Variants in DNMBP observed in about 807,000 individuals in gnomAD.
DNMBP encodes dynamin-binding protein.
DNMBP carries 87 observed loss-of-function variants against 150.0 expected under a neutral mutation model. That is an observed-to-expected ratio of 0.58 (90% CI 0.49 to 0.69). DNMBP has a LOEUF of 0.69. Ranked by LOEUF, DNMBP falls within the 30% of genes least tolerant of loss-of-function variation. DNMBP has a pLI of 0.00. For missense variants in DNMBP, 1,774 were observed against 1,949.0 expected (o/e 0.91, Z 1.69); for synonymous variants, 711 against 750.4 (o/e 0.95, Z 0.86).
intron 5 of DNMBP, among the ~76,000 whole-genome samples, chr10:99,908,708 AG>A (rs1215315564): frequency 2.0e-5 from 3 of 152,220 alleles, no homozygotes; most frequent in African/African-American, 4.8e-5. Flanking sequence ...CCACAGAAAC[AG>A]GAAGTGTCCT....
At chr10:99,955,089 A>T in intron 4 of DNMBP, 125 bp downstream of exon 4, 1 of 805,156 alleles carries the variant, frequency 1.2e-6, no homozygotes, top group South Asian at 1.9e-5. Flanking sequence ...GAAATTAGGT[A>T]ATGAAAATGT....
intron 15 of DNMBP, among the ~76,000 whole-genome samples, chr10:99,882,150 G>C (rs539703388): frequency 6.6e-6 from 1 of 152,270 alleles, no homozygotes; most frequent in East Asian, 1.9e-4. Context: ...TCTCATTCAC[G>C]TGGAATCTAG....
intron 4 of DNMBP, among the ~76,000 whole-genome samples, chr10:99,944,861 A>G (rs559805057): frequency 1.4e-4 from 21 of 152,338 alleles, no homozygotes; most frequent in African/African-American, 5.1e-4. Context: ...TTTATTTCCA[A>G]TAATTGAAGT....
At chr10:99,926,358 C>T (rs192618836) in intron 4 of DNMBP, among the ~76,000 whole-genome samples, 9 of 152,306 alleles carry the variant, frequency 5.9e-5, no homozygotes, top group Admixed American at 2.0e-4. Flanking sequence ...CATCATAGCT[C>T]ACTATAGCCT....
chr10:99,995,753 C>CTT (rs34581736), intron 1 of DNMBP, among the ~76,000 whole-genome samples: 69,616 of 151,890 alleles, frequency 0.46, 16,747 homozygotes, highest in African/African-American at 0.61. Context: ...ATGTGACAAA[C>CTT]AATCTGGAAG....
chr10:99,908,885 A>C (rs766626271), intron 5 of DNMBP, 68 bp downstream of exon 5: 6 of 1,425,600 alleles, frequency 4.2e-6, no homozygotes, highest in Admixed American at 4.1e-5. Context: ...GAAAGCTCCT[A>C]TATCCTAATG....
At chr10:99,930,826 G>A (rs2040147261) in intron 4 of DNMBP, 1 of 609,230 alleles carries the variant, frequency 1.6e-6, no homozygotes. Flanking sequence ...CTGGGCTGTG[G>A]ACAGGTGCAG....
At chr10:99,966,120 G>A (rs1332736709) in intron 3 of DNMBP, among the ~76,000 whole-genome samples, 1 of 152,120 alleles carries the variant, frequency 6.6e-6, no homozygotes, top group African/African-American at 2.4e-5. Flanking sequence ...AAATTGCATA[G>A]GTATAACTAA....
At position 99,957,082 on chromosome 10, in the gene DNMBP, C is replaced by T. The variant is rs767195437; in HGVS notation, c.392G>A (p.Arg131Gln). 1.3e-5 allele frequency: 21 copies of T among 1,614,036 alleles called. No homozygotes were observed. Among genetic ancestry groups the T allele is most frequent in the South Asian group, 1.2e-4 (11 of 91,094 alleles). Residue 131 changes from arginine to glutamine, a missense_variant, in exon 4 of 17, where the codon CGG becomes CAG. By Grantham distance (43) the Arg-to-Gln change is conservative. Around this residue, in one of 2 missense-constraint regions of DNMBP, gnomAD observed 344 missense variants for 456.6 expected, o/e 0.75. Coordinates refer to ENST00000324109, the MANE Select transcript of DNMBP (RefSeq NM_015221.4). ...CAGGGCGCTCTGGGAGTGCCACTGCCGGCTCTGTGAGGAGAGGCAGAGCTC... is the reference window on the plus strand; with the variant it reads ...CAGGGCGCTCTGGGAGTGCCACTGCTGGCTCTGTGAGGAGAGGCAGAGCTC... ...VRELCLSSQS[R>Q]QWHSQSALFQ...
At chr10:99,939,592 G>T (rs953240188) in intron 4 of DNMBP, among the ~76,000 whole-genome samples, 1 of 152,226 alleles carries the variant, frequency 6.6e-6, no homozygotes, top group African/African-American at 2.4e-5. Context: ...GTTTACAGTT[G>T]AAATGGAAAT....
At chr10:99,887,093 A>AT (rs77430741) in intron 12 of DNMBP, among the ~76,000 whole-genome samples, 20,324 of 145,094 alleles carry the variant, frequency 0.14, 2,020 homozygotes, top group East Asian at 0.36. Flanking sequence ...GGTAATACCC[A>AT]TTTTTTTTTT....
At chr10:99,977,988 A>G (rs915610010) in intron 1 of DNMBP, among the ~76,000 whole-genome samples, 20 of 152,166 alleles carry the variant, frequency 1.3e-4, no homozygotes, top group African/African-American at 3.9e-4. Context: ...GGACTTCTTC[A>G]TCCTCTATGG....
At position 99,955,479 on chromosome 10, in the gene DNMBP, T is replaced by C; in HGVS notation, c.1995A>G (p.Arg665=). Reference sequence around the variant, plus strand: ...CTAAGGTCTCACAGGTAGGACGGTGTCGAGATAGGAGCTTGGGGGATACCG... The same window carrying C: ...CTAAGGTCTCACAGGTAGGACGGTGCCGAGATAGGAGCTTGGGGGATACCG... ...TNAVSPKLLS[R]HRPTCETLEK... The change falls in exon 4 of 17, where the codon CGA becomes CGG. Residue 665 remains arginine, a synonymous_variant. Transcript: ENST00000324109. 1 of 1,604,916 alleles carries C rather than the reference T, an allele frequency of 6.2e-7. No individual in the cohort carries two copies. The highest frequency in any genetic ancestry group is 8.5e-7 in the Non-Finnish European group (1 of 1,175,072).
Position 99,956,255 on chromosome 10 carries a change from C to G in DNMBP, c.1219G>C (p.Glu407Gln). The G allele has an allele frequency of 6.2e-7, 1 of 1,613,498 alleles. No individual in the cohort carries two copies. Among genetic ancestry groups the G allele is most frequent in the South Asian group, 1.1e-5 (1 of 91,034 alleles). Residue 407 changes from glutamate to glutamine, a missense_variant, in exon 4 of 17, where the codon GAA (glutamate) becomes CAA (glutamine). Glu to Gln is a conservative substitution (Grantham distance 29). Coordinates refer to ENST00000324109, the MANE Select transcript of DNMBP (RefSeq NM_015221.4). ...TGGGAGGAAATACCATTGACTACTT[C>G]TGTAGGGTCAGATGTGGGAGAGTCT... ...ATDSPTSDPT[E>Q]VVNGISSQPQ...
chr10:99,981,426 C>A (rs547167105), intron 1 of DNMBP, among the ~76,000 whole-genome samples: 26 of 152,304 alleles, frequency 1.7e-4, no homozygotes, highest in African/African-American at 6.3e-4. Context: ...AAGTGATCTG[C>A]CCGCCTTGGC....
intron 15 of DNMBP, among the ~76,000 whole-genome samples, chr10:99,883,796 G>A (rs920376002): frequency 5.3e-5 from 8 of 152,040 alleles, no homozygotes; most frequent in Admixed American, 1.3e-4. Flanking sequence ...GATAAGCAAC[G>A]GTGTCTCCTC....
chr10:99,914,063 A>C, intron 4 of DNMBP: 1 of 1,452,508 alleles, frequency 6.9e-7, no homozygotes, highest in Non-Finnish European at 9.1e-7. Flanking sequence ...AACTCCTTTG[A>C]ATAGGGTCGG....
chr10:99,915,108 A>AAAAAAAAAATATATAT (rs10654940), intron 4 of DNMBP, among the ~76,000 whole-genome samples: 3 of 99,802 alleles, frequency 3.0e-5, no homozygotes, highest in African/African-American at 1.3e-4. Context: ...AAAAAAAAAA[A>AAAAAAAAAATATATAT]ATATATATAT....
intron 6 of DNMBP, among the ~76,000 whole-genome samples, chr10:99,901,452 T>A (rs1589407097): frequency 6.6e-6 from 1 of 152,128 alleles, no homozygotes; most frequent in East Asian, 1.9e-4. Context: ...ATTCCCTACA[T>A]TCATACTTTA....
Sources: allele counts gnomAD v4.1 joint callset (sites outside exome capture counted in the v4.1 genomes callset), GRCh38; gene constraint gnomAD v4.1.1; regional missense constraint gnomAD v4.1.1; transcripts MANE v1.5; gene names NCBI Gene and HGNC (gene_info 2026-07-23, HGNC 2026-07-21).